Variants in KDM5C observed in about 807,000 individuals in gnomAD.
KDM5C encodes the protein lysine demethylase 5C.
In KDM5C, 16 loss-of-function variants were observed where a neutral mutation model predicts 110.6. That is an observed-to-expected ratio of 0.14 (90% CI 0.10 to 0.22). The LOEUF is 0.22. Among genes scored for constraint, KDM5C ranks in the 10% least tolerant of loss-of-function variants. The pLI, the probability that KDM5C is intolerant of heterozygous loss-of-function variation, is 1.00. For synonymous variants in KDM5C, 511 were observed against 520.4 expected (o/e 0.98, Z 0.24); for missense variants, 681 against 1,300.9 (o/e 0.52, Z 7.33).
At position 53,194,718 on chromosome X, in the gene KDM5C, C is replaced by G; in HGVS notation, c.3459G>C (p.Gly1153=). 4.1e-6 allele frequency: 5 copies of G among 1,210,767 alleles called. No homozygotes were observed. The highest frequency in any genetic ancestry group is 1.8e-5 in the South Asian group (1 of 56,865). ...GGATACCCTCCTTCTCCTTCTGTTC[C>G]CCCTCCTTGAAGGCCACGATCTGCC... The part of the protein sequence containing the change: ...PGSVIVAFKE[G]EQKEKEGILQ... Residue 1153 remains glycine, a synonymous_variant, in exon 23 of 26, where the codon GGG becomes GGC. Transcript: ENST00000375401.
In KDM5C at chrX:53,193,131, G is replaced by A. The variant is rs782042650; in HGVS notation, c.4519C>T (p.Pro1507Ser). 7 of 1,207,487 alleles carry A rather than the reference G, an allele frequency of 5.8e-6. No individual in the cohort carries two copies. The highest frequency in any genetic ancestry group is 1.8e-5 in the African/African-American group (1 of 56,459). ...ELEEETGGEG[P>S]PAPIPTTGSP... is the part of the protein sequence containing the mutation. Reference sequence around the variant, plus strand: ...CCAGTGGTGGGGATGGGTGCAGGGGGGCCCTCACCCCCAGTCTCCTCCTCC... The same window carrying A: ...CCAGTGGTGGGGATGGGTGCAGGGGAGCCCTCACCCCCAGTCTCCTCCTCC... Residue 1507 changes from proline (P) to serine (S), a missense_variant, in exon 26 of 26, where the codon CCC becomes TCC. Around this residue, in one of 14 missense-constraint regions of KDM5C, gnomAD observed 115 missense variants for 120.9 expected, o/e 0.95. Coordinates refer to ENST00000375401, the MANE Select transcript of KDM5C (RefSeq NM_004187.5).
intron 12 of KDM5C, among the ~76,000 whole-genome samples, chrX:53,203,311 T>C (rs1556843375): frequency 9.0e-6 from 1 of 111,560 alleles, no homozygotes; most frequent in Non-Finnish European, 1.9e-5. Flanking sequence ...ATTTACAGGA[T>C]ATATCTTGGT....
chrX:53,183,645 T>C (rs1367910585), intron 25 of KDM5C, among the ~76,000 whole-genome samples: 1 of 107,509 alleles, frequency 9.3e-6, no homozygotes, highest in Non-Finnish European at 1.9e-5. Flanking sequence ...CTCAGCTCAC[T>C]GCAACCTCCG....
At chrX:53,206,647 T>C (rs1247328970) in intron 12 of KDM5C, among the ~76,000 whole-genome samples, 4 of 109,531 alleles carry the variant, frequency 3.7e-5, no homozygotes, top group African/African-American at 1.3e-4. Context: ...GCAGATCACT[T>C]GAAGTCAGGA....
downstream of KDM5C, among the ~76,000 whole-genome samples, chrX:53,191,126 GTCT>G (rs1468519242): frequency 4.5e-5 from 5 of 111,799 alleles, no homozygotes; most frequent in African/African-American, 1.3e-4. Context: ...AAGCTGGTTA[GTCT>G]TCTTGTCAGA....
At chrX:53,191,680 G>A (rs1205003486), downstream of KDM5C, 2 of 172,343 alleles carry the variant, frequency 1.2e-5, no homozygotes, top group Non-Finnish European at 1.1e-5. Context: ...AAACATTCTA[G>A]GAAGAACGAG....
chrX:53,185,881 G>A (rs1005419705), intron 25 of KDM5C, among the ~76,000 whole-genome samples: 2 of 111,658 alleles, frequency 1.8e-5, no homozygotes, highest in Non-Finnish European at 3.8e-5. Flanking sequence ...ATAGACCAGA[G>A]CCCCTTGAAT....
At chrX:53,178,827 G>A (rs782768310) in intron 25 of KDM5C, among the ~76,000 whole-genome samples, 11 of 112,411 alleles carry the variant, frequency 9.8e-5, no homozygotes, top group Non-Finnish European at 2.1e-4. Context: ...ACCCGGGTGT[G>A]ATGGCTCATC....
rs143731363 is a variant in KDM5C, at chrX:53,178,091, A to C, written c.4309-1469T>G. On this transcript the variant is annotated intron_variant, in intron 25 of 25. Transcript: ENST00000685641. ...CAGGCTGGCTTGAACTCCTGGGCTC[A>C]AGCGATTCTCCTGCCTCAGCCTCCG... Among the ~76,000 whole-genome samples the C allele has an allele frequency of 8.3e-3, 931 of 111,791 alleles. 12 individuals are homozygous for C. Among genetic ancestry groups the C allele is most frequent in the African/African-American group, 0.029 (887 of 30,772 alleles).
Position 53,192,872 on chromosome X carries a change from C to CCCCCCCCCCCCCCCCCCCCCAA in KDM5C, c.*94_*95insTTGGGGGGGGGGGGGGGGGGGG. ...TAGCAGGGATGGCCACCCCCCTACCCGCCCACCCCCCAAGAAGCAGGCTTG... is the reference window on the plus strand; with the variant it reads ...TAGCAGGGATGGCCACCCCCCTACCCCCCCCCCCCCCCCCCCCCCCAAGCCCACCCCCCAAGAAGCAGGCTTG... On this transcript the variant is annotated 3_prime_UTR_variant, in exon 26 of 26. Coordinates refer to ENST00000375401, the MANE Select transcript of KDM5C (RefSeq NM_004187.5). 1 of 810,330 alleles carries CCCCCCCCCCCCCCCCCCCCCAA rather than the reference C, an allele frequency of 1.2e-6. No homozygotes were observed. Among genetic ancestry groups the CCCCCCCCCCCCCCCCCCCCCAA allele is most frequent in the Admixed American group, 4.0e-5 (1 of 24,696 alleles). The allele number at this position is 810,330 out of a possible 1,213,427, so 66.8% of individuals were successfully genotyped here.
intron 25 of KDM5C, among the ~76,000 whole-genome samples, chrX:53,180,813 A>AC (rs1258820347): frequency 7.5e-5 from 6 of 79,990 alleles, no homozygotes; most frequent in Non-Finnish European, 1.3e-4. Context: ...TGCAGGCTCC[A>AC]CCCCCCGGGG....
At chrX:53,197,589 C>G (rs2072994897) in intron 18 of KDM5C, 182 bp downstream of exon 18, 11 of 468,371 alleles carry the variant, frequency 2.3e-5, no homozygotes, top group Non-Finnish European at 4.2e-5. Flanking sequence ...ACCTGACCCT[C>G]AAGGCCCATT....
At chrX:53,210,343 GCCACCA>G in intron 12 of KDM5C, 65 bp downstream of exon 12, 1 of 1,159,617 alleles carries the variant, frequency 8.6e-7, no homozygotes, top group Non-Finnish European at 1.2e-6. Flanking sequence ...GACAACCACC[GCCACCA>G]CCACCATCAC....
chrX:53,210,331 A>G (rs1333123035), intron 12 of KDM5C, 83 bp downstream of exon 12: 37 of 1,136,459 alleles, frequency 3.3e-5, no homozygotes, highest in Non-Finnish European at 3.6e-6. Flanking sequence ...CAGAATACAG[A>G]TGACAACCAC....
At position 53,195,979 on chromosome X, in the gene KDM5C, G is replaced by A. The variant is rs2146833381; in HGVS notation, c.3057C>T (p.Ile1019=). The A allele has an allele frequency of 8.3e-7, 1 of 1,211,189 alleles. No homozygotes were observed. Among genetic ancestry groups the A allele is most frequent in the Non-Finnish European group, 1.1e-6 (1 of 894,915 alleles). The change falls in exon 20 of 26, where the codon ATC becomes ATT. Residue 1019 remains isoleucine (I), a synonymous_variant. Transcript: ENST00000375401. ...AENIPVHLPN[I]QALKEALAKA... ...TAGCAAGAGCCTCCTTGAGAGCCTG[G>A]ATGTTGGGCAGGTGAACAGGGATGT... is the stretch of plus-strand genomic sequence containing the variant.
At position 53,196,907 on chromosome X, in the gene KDM5C, C is replaced by A. The variant is rs1374723229; in HGVS notation, c.2760G>T (p.Gln920His). 8.3e-7 allele frequency: 1 copy of A among 1,203,048 alleles called. No individual in the cohort carries two copies. The highest frequency in any genetic ancestry group is 1.8e-5 in the South Asian group (1 of 55,686). ...QLGVEVPEAQ[Q>H]LQRQVEQARW... ...GCGCCTGTTCCACCTGCCGCTGGAG[C>A]TGCTGGGCCTCAGGCACCTCCACCC... Residue 920 changes from glutamine to histidine, a missense_variant, in exon 19 of 26, where the codon CAG becomes CAT. Physicochemically the swap from Gln to His is conservative, Grantham distance 24 (BLOSUM62 0). Transcript: ENST00000375401.
At chrX:53,202,058 CAAAG>C (rs2073157600) in intron 12 of KDM5C, 85 bp from the exon 13 acceptor site, 10 of 1,094,124 alleles carry the variant, frequency 9.1e-6, no homozygotes, top group Non-Finnish European at 1.3e-5. Context: ...ATTAAGGAGA[CAAAG>C]AAAAGCCTCA....
chrX:53,201,314 A>G (rs1299244044), intron 14 of KDM5C: 1 of 425,438 alleles, frequency 2.4e-6, no homozygotes, highest in East Asian at 4.0e-5. Context: ...TCAACTATCC[A>G]AAAAGATAAG....
At chrX:53,219,626 C>T (rs2073844511) in intron 2 of KDM5C, among the ~76,000 whole-genome samples, 1 of 112,642 alleles carries the variant, frequency 8.9e-6, no homozygotes, top group Non-Finnish European at 1.9e-5. Context: ...ACTACCTTGC[C>T]CTGATCCCAT....
Sources: allele counts gnomAD v4.1 joint callset (sites outside exome capture counted in the v4.1 genomes callset), GRCh38; gene constraint gnomAD v4.1.1; regional missense constraint gnomAD v4.1.1; transcripts MANE v1.5; gene names NCBI Gene and HGNC (gene_info 2026-07-23, HGNC 2026-07-21).